NRXN3: variants seen among roughly 807,000 people sequenced by gnomAD.
NRXN3 encodes the protein neurexin III.
In NRXN3, 32 loss-of-function variants were observed where a neutral mutation model predicts 137.6. The observed-to-expected ratio is 0.23, with a 90% confidence interval of 0.18 to 0.31. The LOEUF is 0.31. NRXN3 is among the 10% of genes least tolerant of loss of function. The probability of loss-of-function intolerance (pLI) is 1.00; values close to 1 mark genes in which losing one functional copy is unlikely to be tolerated. For missense variants in NRXN3, 1,574 were observed against 2,062.5 expected, an observed-to-expected ratio of 0.76 and a Z score of 4.59; for synonymous variants, 798 against 784.5, an observed-to-expected ratio of 1.02 and a Z score of -0.29.
At chr14:78,494,524 C>T (rs72681586) in intron 4 of NRXN3, among the ~76,000 whole-genome samples, 4,583 of 149,144 alleles carry the variant, frequency 0.031, 132 homozygotes, top group African/African-American at 0.07. Context: ...TGAATGGTCT[C>T]GCTGTAACCT....
intron 10 of NRXN3, among the ~76,000 whole-genome samples, chr14:78,885,920 G>A (rs553128957): frequency 1.3e-5 from 2 of 152,220 alleles, no homozygotes; most frequent in South Asian, 4.2e-4. Context: ...AGGAAGGGAT[G>A]TGAGGGTTTG....
intron 16 of NRXN3, among the ~76,000 whole-genome samples, chr14:79,492,857 T>C (rs1262588565): frequency 6.6e-6 from 1 of 152,232 alleles, no homozygotes; most frequent in African/African-American, 2.4e-5. Flanking sequence ...TCTACCGTGA[T>C]CTACTCAAGC....
In NRXN3 at chr14:78,900,496, T is replaced by C. The variant is rs2099192476; in HGVS notation, c.2276-56746T>C. ...CTACGTTTGGTGCCAAGTTGGGGCC[T>C]CAAATTTTGAACTTAAAACATGACA... On this transcript the variant is annotated intron_variant, in intron 10 of 20. Coordinates refer to ENST00000335750, the MANE Select transcript of NRXN3 (RefSeq NM_001330195.2). 1.3e-5 allele frequency among the ~76,000 whole-genome samples: 2 copies of C among 151,654 alleles called. 1 individual carries two copies. The highest frequency in any genetic ancestry group is 4.2e-4 in the South Asian group (2 of 4,810).
chr14:79,483,428 C>T (rs1368050660), intron 16 of NRXN3, among the ~76,000 whole-genome samples: 4 of 152,122 alleles, frequency 2.6e-5, no homozygotes, highest in Non-Finnish European at 2.9e-5. Context: ...TAAATTAGGC[C>T]AGTGGTGTCC....
intron 6 of NRXN3, among the ~76,000 whole-genome samples, chr14:78,684,384 G>A (rs1046143784): frequency 6.6e-6 from 1 of 152,114 alleles, no homozygotes; most frequent in South Asian, 2.1e-4. Context: ...TAAATTAGAC[G>A]CTTGAAAGCT....
chr14:78,524,936 G>A (rs1486280530), intron 4 of NRXN3, among the ~76,000 whole-genome samples: 1 of 152,158 alleles, frequency 6.6e-6, no homozygotes, highest in Non-Finnish European at 1.5e-5. Context: ...TCCAATAAGT[G>A]CCTTTTCTTT....
chr14:79,855,377 T>A (rs2141834820), intron 20 of NRXN3, among the ~76,000 whole-genome samples: 1 of 152,296 alleles, frequency 6.6e-6, no homozygotes, highest in East Asian at 1.9e-4. Flanking sequence ...TAAGAGTGTT[T>A]CCAAGCCAGC....
chr14:79,287,348 G>A (rs2082433413), intron 15 of NRXN3, among the ~76,000 whole-genome samples: 1 of 152,150 alleles, frequency 6.6e-6, no homozygotes, highest in Non-Finnish European at 1.5e-5. Context: ...AAATCATTTA[G>A]AAGCTCAGGG....
At position 78,934,582 on chromosome 14, in the gene NRXN3, C is replaced by T. The variant is rs73323395; in HGVS notation, c.2276-22660C>T. On this transcript the variant is annotated intron_variant, in intron 10 of 20. Coordinates refer to ENST00000335750, the MANE Select transcript of NRXN3 (RefSeq NM_001330195.2). The stretch of plus-strand genomic sequence containing the variant: ...TTACTCCAGGTGCCTCAGCCAGTAG[C>T]AACAGGTCTCCCTGTTGGTGATACC... Among the ~76,000 whole-genome samples, 932 of 152,250 alleles carry T rather than the reference C, an allele frequency of 6.1e-3. 14 individuals carry two copies. The highest frequency in any genetic ancestry group is 0.021 in the African/African-American group (879 of 41,526).
At chr14:79,379,284 G>A (rs2094396849) in intron 15 of NRXN3, among the ~76,000 whole-genome samples, 1 of 152,134 alleles carries the variant, frequency 6.6e-6, no homozygotes, top group Non-Finnish European at 1.5e-5. Flanking sequence ...CATTGTGTGT[G>A]ACGGTGTTTT....
chr14:79,544,053 A>G (rs2097297276), intron 16 of NRXN3, among the ~76,000 whole-genome samples: 1 of 152,200 alleles, frequency 6.6e-6, no homozygotes, highest in Non-Finnish European at 1.5e-5. Context: ...TCTCATCCCC[A>G]ACAGTGAAAA....
chr14:78,545,574 G>A (rs17107830), intron 4 of NRXN3, among the ~76,000 whole-genome samples: 7 of 151,804 alleles, frequency 4.6e-5, no homozygotes, highest in African/African-American at 1.2e-4. Context: ...TTATAAAATG[G>A]GATATTATAT....
intron 10 of NRXN3, among the ~76,000 whole-genome samples, chr14:78,916,685 G>A (rs1193677905): frequency 5.9e-5 from 9 of 152,202 alleles, no homozygotes; most frequent in Non-Finnish European, 1.2e-4. Flanking sequence ...ATTGGTGGAA[G>A]CACAGCAGGT....
At chr14:79,577,131 G>A (rs2097672578) in intron 16 of NRXN3, among the ~76,000 whole-genome samples, 1 of 152,250 alleles carries the variant, frequency 6.6e-6, no homozygotes, top group East Asian at 1.9e-4. Context: ...CTTGCCTGCT[G>A]CCATGACTTT....
intron 19 of NRXN3, among the ~76,000 whole-genome samples, chr14:79,748,878 G>T (rs1409334759): frequency 6.6e-6 from 1 of 151,772 alleles, no homozygotes; most frequent in Admixed American, 6.6e-5. Context: ...TAGAATGAAG[G>T]GTTTGCAAAC....
intron 16 of NRXN3, among the ~76,000 whole-genome samples, chr14:79,588,214 T>C (rs2097776716): frequency 6.6e-6 from 1 of 152,230 alleles, no homozygotes; most frequent in African/African-American, 2.4e-5. Flanking sequence ...GCACAATGTC[T>C]CTCTAATGCT....
chr14:79,281,644 A>T (rs2081294139), intron 15 of NRXN3: 1 of 152,036 alleles, frequency 6.6e-6, no homozygotes, highest in African/African-American at 2.4e-5. Flanking sequence ...AACTGTTATA[A>T]AGTAGCCTGT....
chr14:79,038,785 G>A (rs976898800), intron 15 of NRXN3, among the ~76,000 whole-genome samples: 16 of 152,038 alleles, frequency 1.1e-4, no homozygotes, highest in Non-Finnish European at 1.9e-4. Flanking sequence ...CACTGATGCC[G>A]ACTGGTTAAC....
chr14:79,180,842 G>A (rs776287448), intron 15 of NRXN3, among the ~76,000 whole-genome samples: 3 of 151,950 alleles, frequency 2.0e-5, no homozygotes, highest in African/African-American at 2.4e-5. Context: ...TTTATGTGAC[G>A]TCATTACTAC....
Sources: gnomAD v4.1 joint callset for allele counts (sites outside exome capture counted in the v4.1 genomes callset) on GRCh38, gnomAD v4.1.1 for gene constraint, MANE v1.5 for transcripts, NCBI Gene and HGNC (gene_info 2026-07-23, HGNC 2026-07-21) for gene names.